Variants in C20orf96 observed in about 807,000 individuals in gnomAD.
The protein encoded by C20orf96 is uncharacterized protein C20orf96.
Under a neutral mutation model 52.6 loss-of-function variants are expected in C20orf96, and 57 were observed. The ratio of observed to expected loss-of-function variants is 1.08; its 90% confidence interval spans 0.88 to 1.35. The LOEUF (loss-of-function observed/expected upper bound fraction) is 1.35. C20orf96 is among the 40% of genes most tolerant of loss of function. The pLI, the probability that C20orf96 is intolerant of heterozygous loss-of-function variation, is 0.00. For missense variants in C20orf96, 478 were observed against 443.6 expected (o/e 1.08, Z -0.70); for synonymous variants, 168 against 157.2 (o/e 1.07, Z -0.51).
At chr20:279,934 T>C (rs1241484000) in intron 4 of C20orf96, among the ~76,000 whole-genome samples, 1 of 151,900 alleles carries the variant, frequency 6.6e-6, no homozygotes, top group African/African-American at 2.4e-5. Context: ...GCGCCACTGC[T>C]CTCCAGCCTG....
chr20:289,593 T>C lies in C20orf96; in HGVS notation c.153A>G (p.Thr51=). ...CCCTAGTCAAAGTCTTCATTTTGCT[T>C]GTATGAAGGCTGTTGGCTTGTTGGA... ...PPVQQANSLH[T]SKMKTLTRVQ... is the part of the protein sequence containing the mutation. The change falls in exon 3 of 11, where the codon ACA becomes ACG. Residue 51 remains threonine (T), a synonymous_variant. Coordinates refer to ENST00000360321, the MANE Select transcript of C20orf96 (RefSeq NM_153269.3). 1 of 1,614,032 alleles carries C rather than the reference T, an allele frequency of 6.2e-7. No homozygotes were observed. Among genetic ancestry groups the C allele is most frequent in the Non-Finnish European group, 8.5e-7 (1 of 1,179,936 alleles).
rs776799672 is a variant in C20orf96 at position 276,790 on chromosome 20, C to T, written c.912+3G>A. The T allele has an allele frequency of 3.1e-6, 5 of 1,612,114 alleles. No individual in the cohort carries two copies. Among genetic ancestry groups the T allele is most frequent in the Admixed American group, 1.7e-5 (1 of 59,858 alleles). ...GGGACCACCACCTTCCTTGCCCACG[C>T]ACTTCTCTGAACCTTTGCATGCATT... is the stretch of plus-strand genomic sequence containing the variant. On this transcript the variant is annotated splice_donor_region_variant and intron_variant, in intron 9 of 10. Transcript: ENST00000360321.
intron 3 of C20orf96, among the ~76,000 whole-genome samples, chr20:288,509 G>C (rs1417922455): frequency 6.6e-6 from 1 of 152,106 alleles, no homozygotes; most frequent in African/African-American, 2.4e-5. Flanking sequence ...GCAGTGACAA[G>C]ATTTCATGAA....
chr20:289,425 C>CA, intron 3 of C20orf96, 134 bp downstream of exon 3: 1 of 673,226 alleles, frequency 1.5e-6, no homozygotes, highest in Non-Finnish European at 2.7e-6. Context: ...ACTTCTATAT[C>CA]AATACTTGCA....
Position 275,974 on chromosome 20 carries a change from C to A in C20orf96, c.1025G>T (p.Arg342Ile), listed in dbSNP as rs113419123. The A allele has an allele frequency of 5.6e-6, 9 of 1,613,986 alleles. No individual in the cohort carries two copies. In the African/African-American group the frequency reaches 8.0e-5, roughly 14 times the overall value. Residue 342 changes from arginine (R) to isoleucine (I), a missense_variant, in exon 10 of 11, where the codon AGA (arginine) becomes ATA (isoleucine). Transcript: ENST00000360321. The part of the protein sequence containing the change: ...EVIFEDVLLR[R>I]PKCTPDMDVI... ...TGGCAAAAAGATCACATACTTGGGTCTCCGAAGCAGAACATCCTCAAATAT... is the reference window on the plus strand; with the variant it reads ...TGGCAAAAAGATCACATACTTGGGTATCCGAAGCAGAACATCCTCAAATAT...
At chr20:282,626 T>C (rs1409164746) in intron 4 of C20orf96, among the ~76,000 whole-genome samples, 1 of 152,170 alleles carries the variant, frequency 6.6e-6, no homozygotes, top group Non-Finnish European at 1.5e-5. Context: ...ATCCCAGCAC[T>C]TTGGGAGGCC....
At chr20:281,289 G>A (rs6136981) in intron 4 of C20orf96, among the ~76,000 whole-genome samples, 5 of 152,164 alleles carry the variant, frequency 3.3e-5, no homozygotes, top group South Asian at 2.1e-4. Context: ...AGGAGTTTAC[G>A]GCTGCAGTGA....
rs747395982 is a variant in C20orf96, at chr20:278,397, CTTGT to C, written c.494_497del (p.Asn165ArgfsTer7). On this transcript the variant is annotated frameshift_variant, in exon 6 of 11. Transcript: ENST00000360321. LOFTEE classifies it high-confidence loss of function. ...CAGATTTCAATTGCTGCAGCCTCTTCTTGTTTGAGTACTCCAAGATGTCGATGAT... is the reference window on the plus strand; with the variant it reads ...CAGATTTCAATTGCTGCAGCCTCTTCTTGAGTACTCCAAGATGTCGATGAT... 9 of 1,613,994 alleles carry C rather than the reference CTTGT, an allele frequency of 5.6e-6. No individual in the cohort carries two copies. In the African/African-American group the frequency reaches 1.1e-4, roughly 19 times the overall value.
intron 2 of C20orf96, 22 bp from the exon 3 acceptor site, chr20:289,698 A>G: frequency 6.4e-7 from 1 of 1,567,804 alleles, no homozygotes; most frequent in Non-Finnish European, 8.8e-7. Flanking sequence ...ACAATCAGTC[A>G]CATAGCACCA....
chr20:276,149 A>G (rs2012015639), intron 9 of C20orf96, 63 bp from the exon 10 acceptor site: 1 of 1,607,576 alleles, frequency 6.2e-7, no homozygotes. Context: ...AAAGGGAGAA[A>G]GGCCAAAATG....
At chr20:277,449 C>T (rs1312822694) in intron 6 of C20orf96, 66 bp from the exon 7 acceptor site, 3 of 1,537,066 alleles carry the variant, frequency 2.0e-6, no homozygotes, top group Non-Finnish European at 2.7e-6. Flanking sequence ...ACCTGGGCCC[C>T]AGGAGGCCCA....
In C20orf96 at chr20:277,243, C is replaced by T; in HGVS notation, c.706G>A (p.Val236Ile). ...TCCCCTACCTGCTGGCTGTCCTTAA[C>T]CTGCTGCAGCTGGCGCATAAGAGTG... ...ISTLMRQLQQ[V>I]KDSQQDELDD... The change falls in exon 7 of 11, where the codon GTT becomes ATT. Residue 236 changes from valine to isoleucine, a missense_variant. Physicochemically the swap from Val to Ile is conservative, Grantham distance 29 (BLOSUM62 3). Coordinates refer to ENST00000360321, the MANE Select transcript of C20orf96 (RefSeq NM_153269.3). The T allele has an allele frequency of 3.7e-6, 6 of 1,614,172 alleles. No homozygotes were observed. Among genetic ancestry groups the T allele is most frequent in the South Asian group, 1.1e-5 (1 of 91,082 alleles).
At position 274,639 on chromosome 20, in the gene C20orf96, G is replaced by C. The variant is rs76129441; in HGVS notation, c.1031+1329C>G. 6.5e-3 allele frequency among the ~76,000 whole-genome samples: 987 copies of C among 152,074 alleles called. 6 individuals carry two copies. The highest frequency in any genetic ancestry group is 0.023 in the African/African-American group (946 of 41,458). On this transcript the variant is annotated intron_variant, in intron 10 of 10. Coordinates refer to ENST00000360321, the MANE Select transcript of C20orf96 (RefSeq NM_153269.3). ...GTGACTATTTATTACGTCCCCCGGA[G>C]ACCCTGGCACCACCGCCTAGAATTG...
intron 9 of C20orf96, 59 bp from the exon 10 acceptor site, chr20:276,145 A>G: frequency 6.2e-7 from 1 of 1,608,964 alleles, no homozygotes; most frequent in East Asian, 2.2e-5. Flanking sequence ...AACCAAAGGG[A>G]GAAAGGCCAA....
At chr20:278,490 C>A in intron 5 of C20orf96, 61 bp from the exon 6 acceptor site, 5 of 1,311,300 alleles carry the variant, frequency 3.8e-6, no homozygotes, top group Non-Finnish European at 5.5e-6. Flanking sequence ...GGCGGCCACC[C>A]AGCACTTCCT....
intron 10 of C20orf96, among the ~76,000 whole-genome samples, chr20:272,316 G>A (rs572222736): frequency 4.1e-4 from 63 of 152,118 alleles, no homozygotes; most frequent in Non-Finnish European, 7.1e-4. Flanking sequence ...ACTCCACCTT[G>A]GCACCTCATA....
Position 276,087 on chromosome 20 carries a change from C to T in C20orf96, c.913-1G>A, listed in dbSNP as rs762280683. 1.9e-6 allele frequency: 3 copies of T among 1,613,866 alleles called. No homozygotes were observed. In the South Asian group the frequency reaches 3.3e-5, roughly 18 times the overall value. The stretch of plus-strand genomic sequence containing the variant: ...TGTTCTCCTCAAACTGGTCAATAAT[C>T]TGAGAGGAAAGGCACAGCAGGGGAG... On this transcript the variant is annotated splice_acceptor_variant, in intron 9 of 10. Coordinates refer to ENST00000360321, the MANE Select transcript of C20orf96 (RefSeq NM_153269.3). LOFTEE classifies it high-confidence loss of function.
At chr20:287,611 C>CT (rs2012419383) in intron 3 of C20orf96, among the ~76,000 whole-genome samples, 1 of 152,082 alleles carries the variant, frequency 6.6e-6, no homozygotes, top group Non-Finnish European at 1.5e-5. Flanking sequence ...AAGTCTATAG[C>CT]TTGTCTTTTC....
rs762231880 is a variant in C20orf96 at position 278,463 on chromosome 20, C to T, written c.466-34G>A. 1.2e-5 allele frequency: 19 copies of T among 1,557,098 alleles called. No individual in the cohort carries two copies. The Admixed American group carries it at 2.5e-4, about 21-fold the overall frequency. On this transcript the variant is annotated intron_variant, in intron 5 of 10. Transcript: ENST00000360321. ...GGGGTGGAGTCAACTCACCCACAGG[C>T]TCTGCTGGCTCTCAGAGGCGGCCAC...
Sources: allele counts gnomAD v4.1 joint callset (sites outside exome capture counted in the v4.1 genomes callset), GRCh38; gene constraint gnomAD v4.1.1; transcripts MANE v1.5; gene names NCBI Gene and HGNC (gene_info 2026-07-23, HGNC 2026-07-21).